Variants in MYBBP1A observed in about 807,000 individuals in gnomAD.
MYBBP1A encodes the protein MYB binding protein 1a.
Under a neutral mutation model 136.3 loss-of-function variants are expected in MYBBP1A, and 147 were observed. The observed-to-expected ratio is 1.08, with a 90% CI of 0.94 to 1.24. The LOEUF (loss-of-function observed/expected upper bound fraction) is 1.24, where lower values mean the gene tolerates loss of function less well. Among genes scored for constraint, MYBBP1A ranks in the 50% most tolerant of loss-of-function variants. The probability of loss-of-function intolerance (pLI) is 0.00; values close to 1 mark genes in which losing one functional copy is unlikely to be tolerated. For missense variants in MYBBP1A, 2,060 were observed against 1,727.4 expected (o/e 1.19, Z -3.41); for synonymous variants, 947 against 735.8 (o/e 1.29, Z -4.65).
Position 4,542,621 on chromosome 17 carries a change from G to A in MYBBP1A, c.3013C>T (p.His1005Tyr). Residue 1005 changes from histidine (H) to tyrosine (Y), a missense_variant, in exon 21 of 26, where the codon CAC becomes TAC. Transcript: ENST00000254718. ...VPMFLSLFSR[H>Y]PVLCQSLLPI... is the part of the protein sequence containing the mutation. ...GGGCAGGCCCCAACACTCACCGGGT[G>A]CCGGGAGAAGAGGCTGAGGAACATG... The A allele has an allele frequency of 6.2e-7, 1 of 1,614,018 alleles. No homozygotes were observed. The highest frequency in any genetic ancestry group is 1.3e-5 in the African/African-American group (1 of 75,048).
rs1567606956 is a variant in MYBBP1A, at chr17:4,544,731, CGGCCCGCCCCCA to C, written c.2481+8_2481+19del. On this transcript the variant is annotated splice_region_variant and intron_variant, in intron 18 of 25. Transcript: ENST00000254718. ...GCGCACAGGGAGGCGGGGGTGGGTG[CGGCCCGCCCCCA>C]GGCTCACCCGGATCTGGAAGTCGCG... 4.6e-6 allele frequency: 7 copies of C among 1,522,056 alleles called. No individual in the cohort carries two copies. Among genetic ancestry groups the C allele is most frequent in the Non-Finnish European group, 4.4e-6 (5 of 1,130,258 alleles). 94.3% of individuals were successfully genotyped at this position (1,522,056 alleles called of 1,614,324 possible).
At position 4,541,504 on chromosome 17, in the gene MYBBP1A, G is replaced by A. The variant is rs754416807; in HGVS notation, c.3256C>T (p.Leu1086=). 3.7e-5 allele frequency: 60 copies of A among 1,613,460 alleles called. No homozygotes were observed. Among genetic ancestry groups the A allele is most frequent in the Non-Finnish European group, 4.7e-5 (56 of 1,180,044 alleles). The change falls in exon 24 of 26, where the codon CTG becomes TTG. Residue 1086 remains leucine (L), a synonymous_variant. Coordinates refer to ENST00000254718, the MANE Select transcript of MYBBP1A (RefSeq NM_014520.4). ...KAQHQQALSS[L]ELLNVLFRTC... is the part of the protein sequence containing the mutation. ...CTGAAGAGAACGTTGAGCAGCTCCA[G>A]GGAGGACAGTGCCTGCTGATGCTGC...
chr17:4,549,521 A>G (rs1264923521), intron 9 of MYBBP1A, 79 bp from the exon 10 acceptor site: 1 of 1,312,484 alleles, frequency 7.6e-7, no homozygotes, highest in Non-Finnish European at 1.1e-6. Flanking sequence ...TCACACCTGT[A>G]ATCCCAGCAC....
chr17:4,545,634 C>T lies in MYBBP1A; in HGVS notation c.2049G>A (p.Pro683=), dbSNP rs150818195. 190 of 1,599,690 alleles carry T rather than the reference C, an allele frequency of 1.2e-4. No homozygotes were observed. In the African/African-American group the frequency reaches 1.6e-3, roughly 13 times the overall value. ...VFGHICSHLT[P]RALQLILDVL... The stretch of plus-strand genomic sequence containing the variant: ...CATCCAGAATTAGCTGCAGGGCACG[C>T]GGGGTCAGGTGGGAGCAGATGTGGC... The change falls in exon 15 of 26, where the codon CCG becomes CCA. Residue 683 remains proline (P), a synonymous_variant. Coordinates refer to ENST00000254718, the MANE Select transcript of MYBBP1A (RefSeq NM_014520.4).
chr17:4,554,156 C>T (rs372123066), intron 3 of MYBBP1A, 39 bp downstream of exon 3: 3 of 1,612,678 alleles, frequency 1.9e-6, no homozygotes, highest in South Asian at 2.2e-5. Context: ...CCAAGCCTCC[C>T]ACCCCTGGGG....
In MYBBP1A at chr17:4,552,007, G is replaced by GT. The variant is rs756045186; in HGVS notation, c.906-11dup. 6.2e-7 allele frequency: 1 copy of GT among 1,605,256 alleles called. No individual in the cohort carries two copies. Among genetic ancestry groups the GT allele is most frequent in the South Asian group, 1.1e-5 (1 of 90,206 alleles). On this transcript the variant is annotated splice_polypyrimidine_tract_variant and intron_variant, in intron 7 of 25. Transcript: ENST00000254718. This position sits in a 1 kb window ranked among gnomAD's most constrained non-coding sequence, Gnocchi z 4.7. The stretch of plus-strand genomic sequence containing the variant: ...GCGGAAACACAGGTAGCTAAAGGGG[G>GT]TGCAGGACAGAGCCTGGTCAGAGCC...
Position 4,541,876 on chromosome 17 carries a change from G to A in MYBBP1A, c.3103C>T (p.Gln1035Ter), listed in dbSNP as rs769586239. 9 of 1,613,602 alleles carry A rather than the reference G, an allele frequency of 5.6e-6. No homozygotes were observed. In the East Asian group the frequency reaches 6.7e-5, roughly 12 times the overall value. The stretch of plus-strand genomic sequence containing the variant: ...ACCTCCCGCATGGACAGGGTCTTCT[G>A]GAGCAGCAGGCAGGCCTGTGGGTGG... Reference protein sequence around the residue: ...RPRHQACLLLQKTLSMREVRS... With the variant: ...RPRHQACLLL Residue 1035 changes from glutamine (Q) to a stop codon, truncating the protein, a stop_gained, in exon 23 of 26, where the codon CAG becomes TAG. Coordinates refer to ENST00000254718, the MANE Select transcript of MYBBP1A (RefSeq NM_014520.4). LOFTEE classifies it high-confidence loss of function.
chr17:4,549,243 C>T, intron 10 of MYBBP1A, 89 bp downstream of exon 10: 1 of 1,143,416 alleles, frequency 8.7e-7, no homozygotes, highest in Non-Finnish European at 1.3e-6. Context: ...AGGCTTCTGG[C>T]TCCAGGGGAT....
rs1288283431 is a variant in MYBBP1A, at chr17:4,550,244, G to A, written c.1133C>T (p.Ser378Leu). ...ERQLAVLVAF[S>L]SVTNQGLPVT... is the part of the protein sequence containing the mutation. ...AGGGAGGCCTTGGTTGGTGACAGAT[G>A]AGAAGGCCACTAGCACGGCCAGCTG... Residue 378 changes from serine (S) to leucine (L), a missense_variant, in exon 9 of 26, where the codon TCA becomes TTA. Transcript: ENST00000254718. The A allele has an allele frequency of 1.9e-6, 3 of 1,613,692 alleles. No individual in the cohort carries two copies. Among genetic ancestry groups the A allele is most frequent in the Non-Finnish European group, 2.5e-6 (3 of 1,180,040 alleles).
chr17:4,541,620 T>A, intron 23 of MYBBP1A, 56 bp from the exon 24 acceptor site: 1 of 1,575,052 alleles, frequency 6.3e-7, no homozygotes, highest in South Asian at 1.1e-5. Context: ...AGCCTTTCTG[T>A]TTCCCAGCCG....
chr17:4,539,547 C>A lies in MYBBP1A; in HGVS notation c.3855G>T (p.Gly1285=). The A allele has an allele frequency of 6.2e-7, 1 of 1,614,160 alleles. No homozygotes were observed. The highest frequency in any genetic ancestry group is 1.3e-5 in the African/African-American group (1 of 75,034). The part of the protein sequence containing the change: ...KQHQKALPKK[G]VLGKSPLSAL... ...CGGACAGTGGTGATTTGCCCAAGAC[C>A]CCCTTTTTGGGAAGAGCCTTCTGAT... The change falls in exon 26 of 26, where the codon GGG becomes GGT. Residue 1285 remains glycine (G), a synonymous_variant. Coordinates refer to ENST00000254718, the MANE Select transcript of MYBBP1A (RefSeq NM_014520.4).
Position 4,539,397 on chromosome 17 carries a change from G to A in MYBBP1A, c.*18C>T, listed in dbSNP as rs767050209. 2 of 1,575,092 alleles carry A rather than the reference G, an allele frequency of 1.3e-6. No individual in the cohort carries two copies. Among genetic ancestry groups the A allele is most frequent in the East Asian group, 2.3e-5 (1 of 44,210 alleles). On this transcript the variant is annotated 3_prime_UTR_variant, in exon 26 of 26. Coordinates refer to ENST00000254718, the MANE Select transcript of MYBBP1A (RefSeq NM_014520.4). Reference sequence around the variant, plus strand: ...CAGGCAGATGGAGGCAGGGGCTGAGGGGGGCCCGTACCTGTGCTCAGGGCT... The same window carrying A: ...CAGGCAGATGGAGGCAGGGGCTGAGAGGGGCCCGTACCTGTGCTCAGGGCT...
rs1464108275 is a variant in MYBBP1A at position 4,545,142 on chromosome 17, A to G, written c.2194T>C (p.Ser732Pro). 2.6e-5 allele frequency: 42 copies of G among 1,611,986 alleles called. No individual in the cohort carries two copies. Among genetic ancestry groups the G allele is most frequent in the Non-Finnish European group, 3.5e-5 (41 of 1,179,646 alleles). Residue 732 changes from serine (S) to proline (P), a missense_variant, in exon 17 of 26, where the codon TCA becomes CCA. Coordinates refer to ENST00000254718, the MANE Select transcript of MYBBP1A (RefSeq NM_014520.4). ...KSEEGEDNRS[S>P]ESEEESEGEE... is the part of the protein sequence containing the mutation. ...CCCTCGCTCTCCTCTTCACTCTCTG[A>G]GCTTCTGTTGTCCTCACCTTCCTCG...
chr17:4,539,319 C>A lies in MYBBP1A; in HGVS notation c.*96G>T, dbSNP rs1204043999. On this transcript the variant is annotated 3_prime_UTR_variant, in exon 26 of 26. Coordinates refer to ENST00000254718, the MANE Select transcript of MYBBP1A (RefSeq NM_014520.4). ...CTCCCCAGTGGCAGCGCCTTAGAAA[C>A]AGCTTGCGTATTAAAATCATGGTTT... 5.1e-5 allele frequency: 77 copies of A among 1,495,984 alleles called. No individual in the cohort carries two copies. The South Asian group carries it at 9.0e-4, about 17-fold the overall frequency. The allele number at this position is 1,495,984 out of a possible 1,614,324, so 92.7% of individuals were successfully genotyped here.
At position 4,550,364 on chromosome 17, in the gene MYBBP1A, TA is replaced by T; in HGVS notation, c.1024-12del. ...GAACTGCTTTGGGAGCTGCAAGAGT[TA>T]GGCATGGCGCTGAGCCCACCAGCCC... On this transcript the variant is annotated splice_polypyrimidine_tract_variant and intron_variant, in intron 8 of 25. Coordinates refer to ENST00000254718, the MANE Select transcript of MYBBP1A (RefSeq NM_014520.4). 6.2e-7 allele frequency: 1 copy of T among 1,605,842 alleles called. No homozygotes were observed. The highest frequency in any genetic ancestry group is 8.5e-7 in the Non-Finnish European group (1 of 1,176,122).
rs1907199539 is a variant in MYBBP1A at position 4,548,453 on chromosome 17, G to A, written c.1556+71C>T. On this transcript the variant is annotated intron_variant, in intron 11 of 25. Coordinates refer to ENST00000254718, the MANE Select transcript of MYBBP1A (RefSeq NM_014520.4). The surrounding 1 kb of genome is among the most constrained non-coding windows in gnomAD (Gnocchi z 4.2). Reference sequence around the variant, plus strand: ...CCTCTGCCGTTGTTCCCAGCTTAGGGGACCTGGAGGGAGCAGGCGCCCTCA... The same window carrying A: ...CCTCTGCCGTTGTTCCCAGCTTAGGAGACCTGGAGGGAGCAGGCGCCCTCA... 3.1e-6 allele frequency: 5 copies of A among 1,610,796 alleles called. No homozygotes were observed. The highest frequency in any genetic ancestry group is 4.2e-6 in the Non-Finnish European group (5 of 1,178,482).
rs954890202 is a variant in MYBBP1A, at chr17:4,539,851, C to T, written c.3551G>A (p.Arg1184His). The change falls in exon 26 of 26, where the codon CGC becomes CAC. Residue 1184 changes from arginine to histidine, a missense_variant. Physicochemically the swap from Arg to His is conservative, Grantham distance 29. Coordinates refer to ENST00000254718, the MANE Select transcript of MYBBP1A (RefSeq NM_014520.4). Reference protein sequence around the residue: ...FLPETKKRKKRKSEDGTPAED... With the variant: ...FLPETKKRKKHKSEDGTPAED... ...CGCTGGCGTGCCATCCTCTGACTTG[C>T]GTTTCTTGCGCTTCTTCGTCTCTGG... 4.4e-6 allele frequency: 7 copies of T among 1,607,986 alleles called. No individual in the cohort carries two copies. Among genetic ancestry groups the T allele is most frequent in the East Asian group, 2.2e-5 (1 of 44,886 alleles).
intron 9 of MYBBP1A, 125 bp from the exon 10 acceptor site, chr17:4,549,567 A>T (rs1907322053): frequency 1.3e-6 from 1 of 742,450 alleles, no homozygotes. Context: ...ACTCGAGGTC[A>T]GGAGTTCGAG....
chr17:4,542,723 A>T lies in MYBBP1A; in HGVS notation c.2911T>A (p.Leu971Met). ...TGPQAASCLDLNLVTRVYSTA... is the reference protein window; with the variant it reads ...TGPQAASCLDMNLVTRVYSTA... ...GAGTACACCCGGGTCACCAGGTTCA[A>T]GTCCAAGCAGCTGGCAGCCTAGGCC... The change falls in exon 21 of 26, where the codon TTG (leucine) becomes ATG (methionine). Residue 971 changes from leucine to methionine, a missense_variant. Coordinates refer to ENST00000254718, the MANE Select transcript of MYBBP1A (RefSeq NM_014520.4). 6.2e-7 allele frequency: 1 copy of T among 1,613,574 alleles called. No individual in the cohort carries two copies. The highest frequency in any genetic ancestry group is 8.5e-7 in the Non-Finnish European group (1 of 1,179,926).
Sources: gnomAD v4.1 joint callset for allele counts on GRCh38, gnomAD v4.1.1 for gene constraint, Gnocchi (gnomAD v3.1) non-coding constraint, MANE v1.5 for transcripts, NCBI Gene and HGNC (gene_info 2026-07-23, HGNC 2026-07-21) for gene names.